The following GRM7 variants were observed in gnomAD, a reference collection of about 807,000 sequenced individuals.
The protein encoded by GRM7 is glutamate metabotropic receptor 7.
In GRM7, 35 loss-of-function variants were observed where a neutral mutation model predicts 84.5. The observed-to-expected ratio is 0.41, with a 90% CI of 0.32 to 0.55. The LOEUF is 0.55. Ranked by LOEUF, GRM7 falls within the 20% of genes least tolerant of loss-of-function variation. The pLI, the probability that GRM7 is intolerant of heterozygous loss-of-function variation, is 0.19. For missense variants in GRM7, 1,003 were observed against 1,194.6 expected (o/e 0.84, Z 2.36); for synonymous variants, 487 against 455.1 (o/e 1.07, Z -0.89).
chr3:7,160,209 C>A (rs1694581542), intron 2 of GRM7, among the ~76,000 whole-genome samples: 1 of 152,102 alleles, frequency 6.6e-6, no homozygotes, highest in Non-Finnish European at 1.5e-5. Context: ...AGCTCTTGAA[C>A]CTGGGCCAGT....
intron 2 of GRM7, among the ~76,000 whole-genome samples, chr3:7,189,284 T>C (rs1198518712): frequency 6.6e-6 from 1 of 152,018 alleles, no homozygotes; most frequent in African/African-American, 2.4e-5. Context: ...GAGAAAGCAA[T>C]AAATCAAGAG....
chr3:7,591,867 C>T (rs1275531128), intron 8 of GRM7, among the ~76,000 whole-genome samples: 1 of 151,996 alleles, frequency 6.6e-6, no homozygotes, highest in Non-Finnish European at 1.5e-5. Flanking sequence ...GGTCCCAGAG[C>T]CAGAAAGGGA....
At chr3:7,170,539 C>G (rs1574986908) in intron 2 of GRM7, among the ~76,000 whole-genome samples, 1 of 152,104 alleles carries the variant, frequency 6.6e-6, no homozygotes, top group South Asian at 2.1e-4. Context: ...AATTTTGAAG[C>G]AAATTGTCAT....
intron 1 of GRM7, among the ~76,000 whole-genome samples, chr3:6,941,192 A>C (rs1231614234): frequency 6.6e-6 from 1 of 152,180 alleles, no homozygotes; most frequent in Non-Finnish European, 1.5e-5. Flanking sequence ...ACTTACACAC[A>C]TTAGTTTCCA....
intron 4 of GRM7, 92 bp downstream of exon 4, chr3:7,306,744 T>C: frequency 9.3e-7 from 1 of 1,079,052 alleles, no homozygotes; most frequent in Non-Finnish European, 1.3e-6. Flanking sequence ...TTTGGCATTT[T>C]TACCAAACTC....
At chr3:7,199,021 G>C (rs913682095) in intron 2 of GRM7, among the ~76,000 whole-genome samples, 4 of 152,166 alleles carry the variant, frequency 2.6e-5, no homozygotes, top group Non-Finnish European at 5.9e-5. Context: ...TATCTGCAAG[G>C]TTCATTGTTG....
intron 8 of GRM7, chr3:7,636,492 G>T (rs999981329): frequency 4.2e-5 from 13 of 309,156 alleles, no homozygotes; most frequent in African/African-American, 2.6e-4. Flanking sequence ...AATTCCAAGG[G>T]TCAGGTAATA....
At chr3:7,682,962 T>C (rs1268581713) in intron 9 of GRM7, among the ~76,000 whole-genome samples, 1 of 152,214 alleles carries the variant, frequency 6.6e-6, no homozygotes, top group African/African-American at 2.4e-5. Context: ...TTAAGTAACA[T>C]TATCAAAGCC....
chr3:6,921,639 C>G (rs1346318917), intron 1 of GRM7, among the ~76,000 whole-genome samples: 1 of 152,088 alleles, frequency 6.6e-6, no homozygotes, highest in Non-Finnish European at 1.5e-5. Flanking sequence ...GTACCAGGCT[C>G]TGCACTGTGT....
At chr3:7,016,563 G>GT (rs1034758870) in intron 1 of GRM7, among the ~76,000 whole-genome samples, 120 of 152,270 alleles carry the variant, frequency 7.9e-4, no homozygotes, top group African/African-American at 2.8e-3. Flanking sequence ...CAAGGCAAGT[G>GT]TAAGTTACAA....
chr3:6,964,889 A>G (rs1416552201), intron 1 of GRM7, among the ~76,000 whole-genome samples: 1 of 152,044 alleles, frequency 6.6e-6, no homozygotes, highest in African/African-American at 2.4e-5. Context: ...TGTCACTTTC[A>G]CTTGTCTCTT....
At position 7,666,716 on chromosome 3, in the gene GRM7, A is replaced by C. The variant is rs146304510; in HGVS notation, c.2452-13333A>C. ...AGGGCATTGGGATGAGAAGGGAACAAATTACAGAAATATTACCGGTATTAT... is the reference window on the plus strand; with the variant it reads ...AGGGCATTGGGATGAGAAGGGAACACATTACAGAAATATTACCGGTATTAT... On this transcript the variant is annotated intron_variant, in intron 8 of 9. Transcript: ENST00000357716. Among the ~76,000 whole-genome samples, 8 of 152,292 alleles carry C rather than the reference A, an allele frequency of 5.3e-5. No homozygotes were observed. In the East Asian group the frequency reaches 1.5e-3, roughly 29 times the overall value.
chr3:7,289,236 C>G (rs941775032), intron 2 of GRM7, among the ~76,000 whole-genome samples: 7 of 152,154 alleles, frequency 4.6e-5, no homozygotes, highest in Non-Finnish European at 1.0e-4. Flanking sequence ...GGGAAAGGAA[C>G]AGCTTGCTTT....
At chr3:7,109,388 C>T (rs1007647606) in intron 1 of GRM7, among the ~76,000 whole-genome samples, 1 of 152,246 alleles carries the variant, frequency 6.6e-6, no homozygotes, top group South Asian at 2.1e-4. Flanking sequence ...CCAAACTCTG[C>T]GTCAACTCTG....
chr3:7,029,301 C>CAAAAAAAAAAAAAAAAAAAAAA (rs57622634), intron 1 of GRM7, among the ~76,000 whole-genome samples: 1 of 55,210 alleles, frequency 1.8e-5, no homozygotes, highest in African/African-American at 4.2e-5. Context: ...GACTCTGCCT[C>CAAAAAAAAAAAAAAAAAAAAAA]AAAAAAAAAA....
chr3:7,266,128 C>T (rs1013280003), intron 2 of GRM7, among the ~76,000 whole-genome samples: 12 of 152,048 alleles, frequency 7.9e-5, no homozygotes, highest in African/African-American at 2.4e-4. Context: ...TGATATTTCT[C>T]ACCATGATGA....
rs1699734773 is a variant in GRM7, at chr3:7,497,123, G to A, written c.1515+35401G>A. ...AGAACTTGTGGCCATGTCTAGCATG[G>A]TCATGAAGTGGCTCTCTTGGTCATG... On this transcript the variant is annotated intron_variant, in intron 7 of 9. Coordinates refer to ENST00000357716, the MANE Select transcript of GRM7 (RefSeq NM_000844.4). 2.8e-5 allele frequency among the ~76,000 whole-genome samples: 4 copies of A among 145,380 alleles called. No individual in the cohort carries two copies. The South Asian group carries it at 8.9e-4, about 33-fold the overall frequency.
chr3:7,371,416 A>G, intron 4 of GRM7, among the ~76,000 whole-genome samples: 2 of 152,284 alleles, frequency 1.3e-5, no homozygotes, highest in African/African-American at 4.8e-5. Flanking sequence ...ATTTATAACC[A>G]AAATAGATAA....
chr3:7,550,571 CTCTCTCTGTGTGTGTGTGTGTGTGTG>C (rs1257420597), intron 7 of GRM7, among the ~76,000 whole-genome samples: 3 of 87,168 alleles, frequency 3.4e-5, no homozygotes, highest in Non-Finnish European at 4.6e-5. Context: ...CTCTCTCTCT[CTCTCTCTGTGTGTGTGTGTGTGTGTG>C]TGTGTGTGTG....
Sources: allele counts gnomAD v4.1 joint callset (sites outside exome capture counted in the v4.1 genomes callset), GRCh38; gene constraint gnomAD v4.1.1; transcripts MANE v1.5; gene names NCBI Gene and HGNC (gene_info 2026-07-23, HGNC 2026-07-21).